ATP6V1H: variants seen among roughly 807,000 people sequenced by gnomAD.
The protein encoded by ATP6V1H is ATPase H+ transporting V1 subunit H, also known as V-type proton ATPase subunit H.
ATP6V1H carries 39 observed loss-of-function variants against 71.7 expected under a neutral mutation model. The observed-to-expected ratio is 0.54, with a 90% CI of 0.42 to 0.71. ATP6V1H has a LOEUF of 0.71. ATP6V1H is among the 30% of genes least tolerant of loss of function. ATP6V1H has a pLI of 0.00. For missense variants in ATP6V1H, 509 were observed against 594.9 expected, an observed-to-expected ratio of 0.86 and a Z score of 1.50; for synonymous variants, 192 against 199.3, an observed-to-expected ratio of 0.96 and a Z score of 0.31.
intron 13 of ATP6V1H, among the ~76,000 whole-genome samples, chr8:53,728,864 A>G (rs1806913716): frequency 6.6e-6 from 1 of 152,224 alleles, no homozygotes; most frequent in African/African-American, 2.4e-5. Context: ...GTCCTATCTA[A>G]GCATGCAACA....
intron 12 of ATP6V1H, among the ~76,000 whole-genome samples, chr8:53,753,860 C>T (rs947067722): frequency 3.3e-5 from 5 of 151,982 alleles, no homozygotes; most frequent in African/African-American, 1.2e-4. Flanking sequence ...TAGTTTTTAC[C>T]CTACTTGCAG....
intron 9 of ATP6V1H, among the ~76,000 whole-genome samples, chr8:53,789,780 T>A (rs1225354885): frequency 6.6e-6 from 1 of 152,112 alleles, no homozygotes; most frequent in Non-Finnish European, 1.5e-5. Flanking sequence ...AAAATAGATA[T>A]TTTCATTTCA....
At chr8:53,794,823 T>A (rs1809678841) in intron 9 of ATP6V1H, among the ~76,000 whole-genome samples, 1 of 152,214 alleles carries the variant, frequency 6.6e-6, no homozygotes, top group African/African-American at 2.4e-5. Flanking sequence ...CAAAGATACC[T>A]ATATACTAAC....
chr8:53,810,829 T>C (rs190540144), intron 7 of ATP6V1H, among the ~76,000 whole-genome samples: 2 of 152,338 alleles, frequency 1.3e-5, no homozygotes, highest in Admixed American at 1.3e-4. Context: ...TATTAGACAG[T>C]TTAATCAGAT....
At chr8:53,802,336 G>A (rs1391347941) in intron 7 of ATP6V1H, among the ~76,000 whole-genome samples, 1 of 152,124 alleles carries the variant, frequency 6.6e-6, no homozygotes, top group Non-Finnish European at 1.5e-5. Context: ...AAATGACCGT[G>A]GACAAGTTCC....
rs562459203 is a variant in ATP6V1H at position 53,718,037 on chromosome 8, G to T, written c.1392-2013C>A. On this transcript the variant is annotated intron_variant, in intron 13 of 13. Transcript: ENST00000359530. ...TAAGAATGTATGGGAAAGCCTCCAGGAGCTCAGGCAGGGAACTGGTAAGTT... is the reference window on the plus strand; with the variant it reads ...TAAGAATGTATGGGAAAGCCTCCAGTAGCTCAGGCAGGGAACTGGTAAGTT... Among the ~76,000 whole-genome samples, 14 of 152,246 alleles carry T rather than the reference G, an allele frequency of 9.2e-5. No individual in the cohort carries two copies. The East Asian group carries it at 2.7e-3, about 29-fold the overall frequency.
chr8:53,753,593 G>A (rs994079277), intron 12 of ATP6V1H, among the ~76,000 whole-genome samples: 3 of 152,156 alleles, frequency 2.0e-5, no homozygotes, highest in East Asian at 3.8e-4. Context: ...CACTTTCAGC[G>A]TTTTAAAACT....
intron 13 of ATP6V1H, among the ~76,000 whole-genome samples, chr8:53,724,226 CA>C (rs1234958097): frequency 2.6e-5 from 4 of 152,188 alleles, no homozygotes; most frequent in African/African-American, 9.7e-5. Flanking sequence ...AACCCAAGCA[CA>C]ACCACAGCAT....
chr8:53,743,680 G>A lies in ATP6V1H; in HGVS notation c.1288C>T (p.Gln430Ter), dbSNP rs773238049. ...HYPRGKRVIE[Q>*]LGGKQLVMNH... ...ATGACCAGCTGCTTCCCACCGAGCTGCTCGATGACCCTGCAAACGGGAGAG... is the reference window on the plus strand; with the variant it reads ...ATGACCAGCTGCTTCCCACCGAGCTACTCGATGACCCTGCAAACGGGAGAG... The change falls in exon 13 of 14, where the codon CAG becomes TAG. Residue 430 changes from glutamine (Q) to a stop codon, truncating the protein, a stop_gained. Transcript: ENST00000359530. LOFTEE classifies it high-confidence loss of function. 6.2e-7 allele frequency: 1 copy of A among 1,607,676 alleles called. No homozygotes were observed. Among genetic ancestry groups the A allele is most frequent in the South Asian group, 1.1e-5 (1 of 90,614 alleles).
At chr8:53,746,588 T>G (rs887875009) in intron 12 of ATP6V1H, among the ~76,000 whole-genome samples, 1 of 152,200 alleles carries the variant, frequency 6.6e-6, no homozygotes, top group African/African-American at 2.4e-5. Flanking sequence ...TCTTAAGCAT[T>G]TAGTAAACTA....
At chr8:53,773,024 A>T (rs1331343711) in intron 9 of ATP6V1H, among the ~76,000 whole-genome samples, 1 of 152,162 alleles carries the variant, frequency 6.6e-6, no homozygotes, top group Non-Finnish European at 1.5e-5. Context: ...AAATGCAAAA[A>T]GTGATTTAGC....
At chr8:53,826,006 G>GAT (rs1810813997) in intron 4 of ATP6V1H, among the ~76,000 whole-genome samples, 1 of 152,136 alleles carries the variant, frequency 6.6e-6, no homozygotes, top group African/African-American at 2.4e-5. Flanking sequence ...TTTGTTCAGA[G>GAT]ATATATGCCT....
chr8:53,794,715 T>C (rs954190624), intron 9 of ATP6V1H, among the ~76,000 whole-genome samples: 6 of 152,174 alleles, frequency 3.9e-5, no homozygotes, highest in Non-Finnish European at 5.9e-5. Flanking sequence ...AGAACAAAAA[T>C]GGTTAAAAGC....
At chr8:53,737,542 CAAG>C (rs1450013056) in intron 13 of ATP6V1H, among the ~76,000 whole-genome samples, 1 of 152,184 alleles carries the variant, frequency 6.6e-6, no homozygotes, top group East Asian at 1.9e-4. Flanking sequence ...GAAAATAAGG[CAAG>C]AAGAGCACAG....
At chr8:53,781,132 G>C (rs930214922) in intron 9 of ATP6V1H, among the ~76,000 whole-genome samples, 2 of 152,142 alleles carry the variant, frequency 1.3e-5, no homozygotes, top group African/African-American at 2.4e-5. Context: ...TTCCACAATG[G>C]TTGAACTAGT....
chr8:53,770,158 ATAT>A (rs1305145270), intron 10 of ATP6V1H, among the ~76,000 whole-genome samples: 7 of 152,176 alleles, frequency 4.6e-5, no homozygotes, highest in African/African-American at 1.2e-4. Flanking sequence ...TAATAAACTC[ATAT>A]TATACTATAA....
At chr8:53,736,919 C>G (rs1807223771) in intron 13 of ATP6V1H, among the ~76,000 whole-genome samples, 2 of 152,246 alleles carry the variant, frequency 1.3e-5, no homozygotes, top group Non-Finnish European at 2.9e-5. Context: ...AAATCAACCC[C>G]TGACGTAACC....
chr8:53,746,599 CATTTT>C (rs1354925953), intron 12 of ATP6V1H, among the ~76,000 whole-genome samples: 10 of 152,262 alleles, frequency 6.6e-5, no homozygotes, highest in African/African-American at 2.2e-4. Context: ...TAGTAAACTA[CATTTT>C]ATTACTCTCC....
At chr8:53,720,986 T>C (rs1357295991) in intron 13 of ATP6V1H, among the ~76,000 whole-genome samples, 1 of 152,238 alleles carries the variant, frequency 6.6e-6, no homozygotes. Context: ...TAATTACGTT[T>C]CTTAATCTTT....
Sources: allele counts gnomAD v4.1 joint callset (sites outside exome capture counted in the v4.1 genomes callset), GRCh38; gene constraint gnomAD v4.1.1; transcripts MANE v1.5; gene names NCBI Gene and HGNC (gene_info 2026-07-23, HGNC 2026-07-21).